The following MACROD2 variants were observed in gnomAD, a reference collection of about 807,000 sequenced individuals.
MACROD2 encodes mono-ADP ribosylhydrolase 2, also known as ADP-ribose glycohydrolase MACROD2.
In MACROD2, 36 loss-of-function variants were observed where a neutral mutation model predicts 70.4. The ratio of observed to expected loss-of-function variants is 0.51; its 90% CI spans 0.39 to 0.68. The LOEUF (loss-of-function observed/expected upper bound fraction) is 0.68. Among genes scored for constraint, MACROD2 ranks in the 30% least tolerant of loss-of-function variants. The pLI is 0.00. For synonymous variants in MACROD2, 172 were observed against 178.8 expected, an observed-to-expected ratio of 0.96 and a Z score of 0.30; for missense variants, 496 against 538.4, an observed-to-expected ratio of 0.92 and a Z score of 0.78.
intron 8 of MACROD2, among the ~76,000 whole-genome samples, chr20:15,560,621 G>A (rs752056072): frequency 2.0e-5 from 3 of 151,938 alleles, no homozygotes; most frequent in Admixed American, 6.5e-5. Context: ...AAATTAGCCA[G>A]TCATGGTGGT....
chr20:14,296,520 T>A (rs988824774), intron 3 of MACROD2, among the ~76,000 whole-genome samples: 2 of 152,002 alleles, frequency 1.3e-5, no homozygotes, highest in Non-Finnish European at 2.9e-5. Flanking sequence ...ACAAATGTAA[T>A]GTTTGCGTGA....
At chr20:14,705,096 A>G (rs935719559) in intron 5 of MACROD2, among the ~76,000 whole-genome samples, 10 of 152,106 alleles carry the variant, frequency 6.6e-5, no homozygotes, top group Admixed American at 6.6e-5. Flanking sequence ...TATGTGTGAC[A>G]AGAGCAATTA....
intron 15 of MACROD2, among the ~76,000 whole-genome samples, chr20:16,016,660 C>T (rs6135640): frequency 0.19 from 29,422 of 152,100 alleles, 3,297 homozygotes; most frequent in African/African-American, 0.31. Context: ...CTCAGCCTCC[C>T]GAGTAGCTGG....
At chr20:15,685,314 G>A (rs572803626) in intron 8 of MACROD2, among the ~76,000 whole-genome samples, 1 of 152,238 alleles carries the variant, frequency 6.6e-6, no homozygotes, top group South Asian at 2.1e-4. Context: ...GATGGGGTGG[G>A]AAGGAATTGT....
intron 8 of MACROD2, among the ~76,000 whole-genome samples, chr20:15,698,207 T>C (rs1410636990): frequency 6.6e-6 from 1 of 152,216 alleles, no homozygotes; most frequent in Non-Finnish European, 1.5e-5. Context: ...TGTTTTGATA[T>C]GGTTCCAGGA....
intron 3 of MACROD2, among the ~76,000 whole-genome samples, chr20:14,332,070 A>G (rs900309107): frequency 1.1e-4 from 16 of 152,188 alleles, no homozygotes; most frequent in African/African-American, 3.9e-4. Flanking sequence ...TTTTAATGGA[A>G]TCATTATTTA....
intron 5 of MACROD2, among the ~76,000 whole-genome samples, chr20:14,785,933 C>A (rs962770020): frequency 6.6e-6 from 1 of 152,076 alleles, no homozygotes; most frequent in African/African-American, 2.4e-5. Flanking sequence ...GACAATGCTT[C>A]TTCAGTACAT....
At chr20:14,874,068 T>G (rs2073520659) in intron 5 of MACROD2, among the ~76,000 whole-genome samples, 1 of 152,080 alleles carries the variant, frequency 6.6e-6, no homozygotes, top group South Asian at 2.1e-4. Context: ...ATAATATTGC[T>G]TTAAGCTTGC....
chr20:15,053,610 A>G (rs574439903), intron 5 of MACROD2, among the ~76,000 whole-genome samples: 1 of 152,332 alleles, frequency 6.6e-6, no homozygotes, highest in South Asian at 2.1e-4. Flanking sequence ...CTTATTAACA[A>G]TGCATCTGGT....
intron 5 of MACROD2, among the ~76,000 whole-genome samples, chr20:15,105,711 A>C (rs1434000848): frequency 6.6e-6 from 1 of 152,116 alleles, no homozygotes; most frequent in Non-Finnish European, 1.5e-5. Context: ...CCGGCACTAG[A>C]GGCAGGCCTG....
rs536268503 is a variant in MACROD2, at chr20:14,406,281, G to A, written c.272-87198G>A. On this transcript the variant is annotated intron_variant, in intron 3 of 17. Transcript: ENST00000684519. ...TTCTGTAGGTTTCTTTTTGAAGTAT[G>A]CACTACTTAAAATTATTTAAATATC... is the stretch of plus-strand genomic sequence containing the variant. Among the ~76,000 whole-genome samples the A allele has an allele frequency of 7.2e-4, 110 of 152,176 alleles. 3 individuals are homozygous for A. Among genetic ancestry groups the A allele is most frequent in the Admixed American group, 4.2e-3 (64 of 15,274 alleles).
At chr20:14,863,625 A>C (rs1194987452) in intron 5 of MACROD2, among the ~76,000 whole-genome samples, 1 of 152,104 alleles carries the variant, frequency 6.6e-6, no homozygotes, top group Non-Finnish European at 1.5e-5. Context: ...AAGAAGAAAA[A>C]AGACATATCT....
intron 5 of MACROD2, among the ~76,000 whole-genome samples, chr20:15,019,778 A>G (rs764137132): frequency 5.9e-5 from 9 of 152,158 alleles, no homozygotes; most frequent in Non-Finnish European, 8.8e-5. Flanking sequence ...ACTTTCTGTA[A>G]AGGGCCAAGA....
chr20:15,391,769 G>A (rs2045796073), intron 6 of MACROD2, among the ~76,000 whole-genome samples: 1 of 152,082 alleles, frequency 6.6e-6, no homozygotes, highest in South Asian at 2.1e-4. Context: ...AAGTGAAAAG[G>A]CCTTCATCAC....
intron 4 of MACROD2, among the ~76,000 whole-genome samples, chr20:14,585,689 A>G (rs1002612525): frequency 4.6e-5 from 7 of 152,160 alleles, no homozygotes; most frequent in Non-Finnish European, 8.8e-5. Flanking sequence ...AAGATTAAAT[A>G]TGTAAGGTGT....
rs1275467899 is a variant in MACROD2 at position 15,772,109 on chromosome 20, T to A, written c.646-90636T>A. Among the ~76,000 whole-genome samples, 226 of 121,516 alleles carry A rather than the reference T, an allele frequency of 1.9e-3. 1 individual carries two copies. The highest frequency in any genetic ancestry group is 5.4e-3 in the East Asian group (16 of 2,982). 79.7% of individuals were successfully genotyped at this position (121,516 alleles called of 152,430 possible). A position where few individuals can be genotyped will look rare whatever the true frequency, so the allele number is the denominator to read the frequency against. ...CAAAAAAAAAAAAAAAAAATATATA[T>A]ATATATATATATATATATATTTCTT... On this transcript the variant is annotated intron_variant, in intron 8 of 17. Transcript: ENST00000684519.
At chr20:14,012,465 G>A (rs1411847425) in intron 2 of MACROD2, among the ~76,000 whole-genome samples, 1 of 152,078 alleles carries the variant, frequency 6.6e-6, no homozygotes. Context: ...CAAGGTTTTC[G>A]GACCTGCGGG....
At chr20:14,330,992 T>G (rs987145887) in intron 3 of MACROD2, among the ~76,000 whole-genome samples, 1 of 152,112 alleles carries the variant, frequency 6.6e-6, no homozygotes, top group African/African-American at 2.4e-5. Flanking sequence ...TTAAATTGCA[T>G]TAGAAACTAA....
At chr20:14,159,361 G>C (rs1267660787) in intron 3 of MACROD2, among the ~76,000 whole-genome samples, 1 of 152,166 alleles carries the variant, frequency 6.6e-6, no homozygotes, top group South Asian at 2.1e-4. Context: ...TCCCATCCAA[G>C]AGCATAGGAT....
Sources: gnomAD v4.1 joint callset for allele counts (sites outside exome capture counted in the v4.1 genomes callset) on GRCh38, gnomAD v4.1.1 for gene constraint, MANE v1.5 for transcripts, NCBI Gene and HGNC (gene_info 2026-07-23, HGNC 2026-07-21) for gene names.